ATP8A1: variants seen among roughly 807,000 people sequenced by gnomAD.
ATP8A1 encodes the protein phospholipid-transporting ATPase IA.
ATP8A1 carries 90 observed loss-of-function variants against 177.7 expected under a neutral mutation model. The observed-to-expected ratio is 0.51, with a 90% CI of 0.43 to 0.60. ATP8A1 has a LOEUF of 0.60. Ranked by LOEUF, ATP8A1 falls within the 20% of genes least tolerant of loss-of-function variation. The pLI, the probability that ATP8A1 is intolerant of heterozygous loss-of-function variation, is 0.00. For missense variants in ATP8A1, 1,072 were observed against 1,392.8 expected, an observed-to-expected ratio of 0.77 and a Z score of 3.67; for synonymous variants, 493 against 485.9, an observed-to-expected ratio of 1.01 and a Z score of -0.19.
At chr4:42,560,222 GA>G (rs2153214789) in intron 15 of ATP8A1, among the ~76,000 whole-genome samples, 1 of 152,242 alleles carries the variant, frequency 6.6e-6, no homozygotes, top group African/African-American at 2.4e-5. Context: ...ATAAATGTAT[GA>G]ATATTTATAG....
chr4:42,434,112 A>G (rs1478659863), intron 33 of ATP8A1, among the ~76,000 whole-genome samples: 4 of 152,178 alleles, frequency 2.6e-5, no homozygotes. Context: ...AATTCGTTTT[A>G]TTTTAATCTT....
chr4:42,511,516 C>A (rs1160426629), intron 22 of ATP8A1, among the ~76,000 whole-genome samples: 1 of 152,094 alleles, frequency 6.6e-6, no homozygotes, highest in Non-Finnish European at 1.5e-5. Context: ...GACTCTTTGA[C>A]ATAATATAGA....
At chr4:42,599,445 T>G (rs976353027) in intron 6 of ATP8A1, among the ~76,000 whole-genome samples, 2 of 152,148 alleles carry the variant, frequency 1.3e-5, no homozygotes, top group African/African-American at 4.8e-5. Context: ...ACAACCAAGG[T>G]ATTTTCCCAT....
intron 16 of ATP8A1, among the ~76,000 whole-genome samples, chr4:42,555,138 TAATCTATCTATC>T (rs1267161506): frequency 0.028 from 2,118 of 76,664 alleles, 84 homozygotes; most frequent in Middle Eastern, 0.043. Flanking sequence ...TCTATCTATC[TAATCTATCTATC>T]TATCTATCTA....
intron 33 of ATP8A1, among the ~76,000 whole-genome samples, chr4:42,435,290 G>C (rs1715786642): frequency 6.6e-6 from 1 of 151,998 alleles, no homozygotes; most frequent in Non-Finnish European, 1.5e-5. Flanking sequence ...GCTGGGCGTG[G>C]TGGCGGGCAC....
intron 25 of ATP8A1, among the ~76,000 whole-genome samples, chr4:42,477,997 AC>A (rs931322819): frequency 6.6e-6 from 1 of 151,856 alleles, no homozygotes; most frequent in African/African-American, 2.4e-5. Context: ...ACAAAAACAA[AC>A]AAAAAATAAA....
At chr4:42,602,033 T>C (rs527643437) in intron 5 of ATP8A1, among the ~76,000 whole-genome samples, 134 of 152,224 alleles carry the variant, frequency 8.8e-4, no homozygotes, top group African/African-American at 3.1e-3. Context: ...GCACTTTTGG[T>C]ATATGGGACA....
At chr4:42,584,425 T>A (rs1733412000) in intron 9 of ATP8A1, among the ~76,000 whole-genome samples, 1 of 152,230 alleles carries the variant, frequency 6.6e-6, no homozygotes, top group African/African-American at 2.4e-5. Flanking sequence ...AAACTCACTA[T>A]CGTCAGGCAC....
chr4:42,475,491 C>A (rs201116430), intron 25 of ATP8A1, among the ~76,000 whole-genome samples: 134 of 132,586 alleles, frequency 1.0e-3, no homozygotes, highest in African/African-American at 1.1e-3. Flanking sequence ...AAATATCAGA[C>A]AAAAAAAAAA....
intron 15 of ATP8A1, among the ~76,000 whole-genome samples, chr4:42,556,455 G>A (rs1730246627): frequency 6.6e-6 from 1 of 152,008 alleles, no homozygotes. Flanking sequence ...TGAGTCATGA[G>A]AAATCTTTAT....
At chr4:42,452,632 C>T (rs941709823) in intron 29 of ATP8A1, among the ~76,000 whole-genome samples, 1 of 152,272 alleles carries the variant, frequency 6.6e-6, no homozygotes, top group African/African-American at 2.4e-5. Context: ...CACAATTTAA[C>T]AGTGTTAATA....
intron 24 of ATP8A1, among the ~76,000 whole-genome samples, chr4:42,491,344 T>C (rs761713534): frequency 8.5e-5 from 13 of 152,152 alleles, no homozygotes; most frequent in Non-Finnish European, 1.8e-4. Flanking sequence ...GTAGAATTCC[T>C]CACTTTGAAT....
chr4:42,605,559 G>A (rs1735714584), intron 5 of ATP8A1, among the ~76,000 whole-genome samples: 1 of 152,170 alleles, frequency 6.6e-6, no homozygotes, highest in Non-Finnish European at 1.5e-5. Context: ...GGAAGCCAGT[G>A]GCACTTACAT....
At chr4:42,578,513 C>G in intron 11 of ATP8A1, 126 bp from the exon 12 acceptor site, 2 of 1,020,722 alleles carry the variant, frequency 2.0e-6, no homozygotes, top group African/African-American at 3.3e-5. Context: ...GAACACTTTG[C>G]TGATAATCTA....
chr4:42,545,214 T>C (rs16854487), intron 19 of ATP8A1, among the ~76,000 whole-genome samples: 4,202 of 151,394 alleles, frequency 0.028, 208 homozygotes, highest in African/African-American at 0.096. Flanking sequence ...TTATCCATAA[T>C]GCTCCTGGTA....
At chr4:42,594,709 A>T (rs1244987025) in intron 6 of ATP8A1, among the ~76,000 whole-genome samples, 1 of 152,126 alleles carries the variant, frequency 6.6e-6, no homozygotes, top group South Asian at 2.1e-4. Context: ...TCTCAATGCA[A>T]CTGGAGACGC....
intron 25 of ATP8A1, among the ~76,000 whole-genome samples, chr4:42,485,023 T>C (rs1334547546): frequency 6.6e-6 from 1 of 152,212 alleles, no homozygotes; most frequent in Admixed American, 6.5e-5. Context: ...AAAAGAGATT[T>C]TAATTTAGGA....
At chr4:42,544,430 A>G (rs1728691518) in intron 19 of ATP8A1, among the ~76,000 whole-genome samples, 1 of 152,256 alleles carries the variant, frequency 6.6e-6, no homozygotes, top group South Asian at 2.1e-4. Context: ...ACATGAAGGC[A>G]AATACTAGTA....
At chr4:42,437,304 T>C (rs1716104906) in intron 33 of ATP8A1, among the ~76,000 whole-genome samples, 1 of 152,198 alleles carries the variant, frequency 6.6e-6, no homozygotes, top group South Asian at 2.1e-4. Context: ...ATTCAAAAAA[T>C]ACTCAGTAAC....
Sources: allele counts gnomAD v4.1 joint callset (sites outside exome capture counted in the v4.1 genomes callset), GRCh38; gene constraint gnomAD v4.1.1; transcripts MANE v1.5; gene names NCBI Gene and HGNC (gene_info 2026-07-23, HGNC 2026-07-21).